IPO11: variants seen among roughly 807,000 people sequenced by gnomAD.
IPO11 encodes the protein importin 11.
IPO11 carries 66 observed loss-of-function variants against 143.2 expected under a neutral mutation model. The observed-to-expected ratio is 0.46, with a 90% CI of 0.38 to 0.57. The LOEUF is 0.57. IPO11 is among the 20% of genes least tolerant of loss of function. The pLI is 0.00. For synonymous variants in IPO11, 385 were observed against 377.8 expected (o/e 1.02, Z -0.22); for missense variants, 1,026 against 1,141.0 (o/e 0.90, Z 1.45).
chr5:62,614,210 A>G (rs1048957365), intron 29 of IPO11, among the ~76,000 whole-genome samples: 1 of 152,248 alleles, frequency 6.6e-6, no homozygotes, highest in Admixed American at 6.5e-5. Flanking sequence ...TTTGAACTTA[A>G]CAAGAGTTGA....
intron 24 of IPO11, among the ~76,000 whole-genome samples, chr5:62,544,806 AACAG>A (rs896924179): frequency 4.6e-5 from 7 of 151,992 alleles, no homozygotes; most frequent in African/African-American, 7.2e-5. Flanking sequence ...ATACACCAAT[AACAG>A]ACAGAGAGCC....
chr5:62,441,271 C>T (rs777713448), intron 2 of IPO11, among the ~76,000 whole-genome samples: 1 of 151,956 alleles, frequency 6.6e-6, no homozygotes, highest in Non-Finnish European at 1.5e-5. Context: ...GATCTCAGCT[C>T]ACAACATCCT....
chr5:62,571,392 T>C (rs1232369738), intron 27 of IPO11, among the ~76,000 whole-genome samples: 1 of 152,228 alleles, frequency 6.6e-6, no homozygotes, highest in Non-Finnish European at 1.5e-5. Flanking sequence ...CTAGGGCTTA[T>C]TATGATAAAT....
intron 1 of IPO11, among the ~76,000 whole-genome samples, chr5:62,427,359 C>A (rs890294559): frequency 6.6e-6 from 1 of 152,138 alleles, no homozygotes; most frequent in Non-Finnish European, 1.5e-5. Flanking sequence ...AGAAAGCAAG[C>A]AAATAGCTTC....
chr5:62,468,459 G>T (rs986205978), intron 6 of IPO11, among the ~76,000 whole-genome samples: 4 of 152,194 alleles, frequency 2.6e-5, no homozygotes, highest in Non-Finnish European at 5.9e-5. Flanking sequence ...TTAAAGGACT[G>T]TTGAAAAATA....
chr5:62,516,201 C>G (rs1742010177), intron 20 of IPO11, among the ~76,000 whole-genome samples: 1 of 152,178 alleles, frequency 6.6e-6, no homozygotes, highest in African/African-American at 2.4e-5. Flanking sequence ...TGCTCTAAAG[C>G]TTTCTAAAAT....
Position 62,528,231 on chromosome 5 carries a change from A to G in IPO11, c.2012+1974A>G, listed in dbSNP as rs572100730. 2.6e-5 allele frequency among the ~76,000 whole-genome samples: 4 copies of G among 152,334 alleles called. No individual in the cohort carries two copies. The East Asian group carries it at 7.7e-4, about 29-fold the overall frequency. ...CCAAGAGAGGAGAATGTTTCCTAAA[A>G]GAGGAGAAAGTGGTCAACTTTGTCA... On this transcript the variant is annotated intron_variant, in intron 21 of 29. Coordinates refer to ENST00000325324, the MANE Select transcript of IPO11 (RefSeq NM_016338.5).
intron 16 of IPO11, among the ~76,000 whole-genome samples, chr5:62,496,746 CATT>C (rs1365916223): frequency 6.6e-6 from 1 of 152,138 alleles, no homozygotes; most frequent in Non-Finnish European, 1.5e-5. Context: ...CACAAACACA[CATT>C]GTGTATGTAT....
At chr5:62,566,781 T>C (rs1027169091) in intron 27 of IPO11, among the ~76,000 whole-genome samples, 1 of 151,654 alleles carries the variant, frequency 6.6e-6, no homozygotes, top group Middle Eastern at 3.2e-3. Flanking sequence ...CATAAAGATA[T>C]GAGTGATATA....
intron 16 of IPO11, among the ~76,000 whole-genome samples, chr5:62,497,437 T>C (rs1167963625): frequency 6.6e-6 from 1 of 152,212 alleles, no homozygotes; most frequent in Non-Finnish European, 1.5e-5. Context: ...ATTGTCTTTG[T>C]TAAGCAGAGG....
intron 29 of IPO11, among the ~76,000 whole-genome samples, chr5:62,610,042 T>C (rs1178537916): frequency 6.6e-6 from 1 of 152,208 alleles, no homozygotes; most frequent in Non-Finnish European, 1.5e-5. Flanking sequence ...ACAGCAGTCA[T>C]GGGTGAGGCA....
intron 29 of IPO11, among the ~76,000 whole-genome samples, chr5:62,624,429 G>T (rs1036949966): frequency 6.6e-6 from 1 of 151,986 alleles, no homozygotes; most frequent in Admixed American, 6.6e-5. Flanking sequence ...AACCGTCATG[G>T]TGCTGGTGGG....
rs764601617 is a variant in IPO11, at chr5:62,579,659, A to T, written c.2583-11918A>T. On this transcript the variant is annotated intron_variant, in intron 27 of 29. Coordinates refer to ENST00000325324, the MANE Select transcript of IPO11 (RefSeq NM_016338.5). ...TATCTGACTGGGAATAATATATCTT[A>T]TATAAATGAAAGTGAATTAACAGGA... 2.6e-6 allele frequency: 4 copies of T among 1,546,598 alleles called. No homozygotes were observed. In the African/African-American group the frequency reaches 5.5e-5, roughly 21 times the overall value.
At chr5:62,561,864 C>T (rs1484317006) in intron 27 of IPO11, 1 of 152,174 alleles carries the variant, frequency 6.6e-6, no homozygotes, top group Admixed American at 6.5e-5. Flanking sequence ...GTACCTAGTT[C>T]TCATTCATGC....
intron 19 of IPO11, among the ~76,000 whole-genome samples, chr5:62,514,195 C>T (rs1039626473): frequency 1.3e-5 from 2 of 152,076 alleles, no homozygotes; most frequent in Admixed American, 1.3e-4. Flanking sequence ...GGGGTGGCGG[C>T]CGGGCAGGGG....
chr5:62,420,580 C>CTT (rs1315728708), intron 1 of IPO11, among the ~76,000 whole-genome samples: 10 of 140,136 alleles, frequency 7.1e-5, no homozygotes, highest in South Asian at 2.3e-4. Flanking sequence ...CTGACTGAAA[C>CTT]TTTTTTTTTT....
intron 11 of IPO11, among the ~76,000 whole-genome samples, chr5:62,484,571 A>G (rs185900139): frequency 1.4e-5 from 2 of 146,716 alleles, no homozygotes; most frequent in Admixed American, 1.4e-4. Context: ...TTTTTTGGAC[A>G]GGACATCTTT....
chr5:62,474,360 C>A, intron 7 of IPO11, 56 bp from the exon 8 acceptor site: 5 of 1,057,196 alleles, frequency 4.7e-6, no homozygotes, highest in Admixed American at 2.7e-5. Context: ...GAAAAAGATA[C>A]AAGGTAAATG....
chr5:62,559,223 A>G (rs1743682777), intron 26 of IPO11, among the ~76,000 whole-genome samples: 1 of 152,124 alleles, frequency 6.6e-6, no homozygotes, highest in South Asian at 2.1e-4. Context: ...TCTTCCCTTC[A>G]CGAATGAGAG....
Sources: allele counts gnomAD v4.1 joint callset (sites outside exome capture counted in the v4.1 genomes callset), GRCh38; gene constraint gnomAD v4.1.1; transcripts MANE v1.5; gene names NCBI Gene and HGNC (gene_info 2026-07-23, HGNC 2026-07-21).